FSCN2: variants seen among roughly 807,000 people sequenced by gnomAD.
FSCN2 encodes the protein fascin actin-bundling protein 2, retinal.
A neutral mutation model predicts 37.8 loss-of-function variants in FSCN2; 46 were observed. The observed-to-expected ratio is 1.22, with a 90% CI of 0.96 to 1.56. The LOEUF (loss-of-function observed/expected upper bound fraction) is 1.56. FSCN2 is among the 40% of genes most tolerant of loss of function. The pLI, the probability that FSCN2 is intolerant of heterozygous loss-of-function variation, is 0.00. For synonymous variants in FSCN2, 351 were observed against 309.4 expected, an observed-to-expected ratio of 1.13 and a Z score of -1.41; for missense variants, 844 against 730.4, an observed-to-expected ratio of 1.16 and a Z score of -1.79.
At chr17:81,532,144 T>A (rs1317674739) in intron 1 of FSCN2, among the ~76,000 whole-genome samples, 2 of 144,064 alleles carry the variant, frequency 1.4e-5, no homozygotes, top group African/African-American at 5.5e-5. Context: ...ATGGTGATGA[T>A]GGTGATGGTG....
intron 2 of FSCN2, 139 bp from the exon 3 acceptor site, chr17:81,536,007 G>A (rs2032864950): frequency 5.7e-6 from 6 of 1,053,284 alleles, no homozygotes; most frequent in Non-Finnish European, 8.2e-6. Flanking sequence ...CTGGGGCAGG[G>A]TAGCGCCTGA....
the FSCN2 span, among the ~76,000 whole-genome samples, chr17:81,522,634 A>G: frequency 1.2e-4 from 19 of 152,352 alleles, no homozygotes; most frequent in East Asian, 1.9e-3. Context: ...GTGGCATTAC[A>G]CGTGGGCAGG....
the FSCN2 span, among the ~76,000 whole-genome samples, chr17:81,522,076 G>A: frequency 2.6e-5 from 4 of 151,904 alleles, no homozygotes; most frequent in South Asian, 8.3e-4. Flanking sequence ...GCACGATCTC[G>A]GCTCACTGCA....
upstream of FSCN2, among the ~76,000 whole-genome samples, chr17:81,524,146 G>A (rs1555669778): frequency 6.6e-6 from 1 of 152,250 alleles, no homozygotes; most frequent in African/African-American, 2.4e-5. Context: ...GGAAACCTGA[G>A]GGTGGACACC....
the FSCN2 span, among the ~76,000 whole-genome samples, chr17:81,520,772 ACTGCTTCAT>A: frequency 5.3e-5 from 8 of 152,100 alleles, no homozygotes; most frequent in Non-Finnish European, 7.4e-5. Flanking sequence ...CTGATCTAAA[ACTGCTTCAT>A]GTCCCTGGTG....
chr17:81,530,671 T>A (rs1555671134), intron 1 of FSCN2: 1 of 496,246 alleles, frequency 2.0e-6, no homozygotes, highest in Admixed American at 2.2e-5. Flanking sequence ...CTGACGGATG[T>A]CCAGGCCCCC....
upstream of FSCN2, among the ~76,000 whole-genome samples, chr17:81,526,190 C>T (rs1245715902): frequency 6.6e-6 from 1 of 152,228 alleles, no homozygotes; most frequent in Non-Finnish European, 1.5e-5. Flanking sequence ...ATCAGAGGGG[C>T]AGGCCGCCTG....
chr17:81,520,115 A>G, the FSCN2 span, among the ~76,000 whole-genome samples: 1 of 152,182 alleles, frequency 6.6e-6, no homozygotes, highest in Non-Finnish European at 1.5e-5. Context: ...CCTGTGTCCC[A>G]AGGGGCCAGG....
At chr17:81,520,411 C>G in the FSCN2 span, among the ~76,000 whole-genome samples, 1 of 152,234 alleles carries the variant, frequency 6.6e-6, no homozygotes, top group Non-Finnish European at 1.5e-5. Flanking sequence ...GCCTGGCCCC[C>G]ACCCACACAC....
chr17:81,532,335 GTGATGA>G (rs537571220), intron 1 of FSCN2, among the ~76,000 whole-genome samples: 3 of 141,546 alleles, frequency 2.1e-5, no homozygotes, highest in East Asian at 2.2e-4. Context: ...GATAGTGATG[GTGATGA>G]TGATGATAGT....
At chr17:81,531,297 A>ATGG (rs1568077052) in intron 1 of FSCN2, among the ~76,000 whole-genome samples, 7 of 44,320 alleles carry the variant, frequency 1.6e-4, no homozygotes, top group African/African-American at 5.4e-4. Flanking sequence ...GATGGTGGTG[A>ATGG]TGGTGATGGT....
intron 1 of FSCN2, chr17:81,530,061 C>G (rs755599320): frequency 4.1e-5 from 10 of 246,400 alleles, no homozygotes; most frequent in Non-Finnish European, 8.2e-5. Context: ...CTGTCCACCT[C>G]GGCCTCCCAA....
intron 3 of FSCN2, 138 bp downstream of exon 3, chr17:81,536,405 C>G: frequency 7.0e-7 from 1 of 1,436,166 alleles, no homozygotes; most frequent in African/African-American, 1.4e-5. Context: ...GTCATACTTG[C>G]TAGTCAAGAT....
At chr17:81,522,198 A>G in the FSCN2 span, among the ~76,000 whole-genome samples, 13,297 of 152,122 alleles carry the variant, frequency 0.087, 1,704 homozygotes, top group African/African-American at 0.28. Context: ...GTAGAAATGC[A>G]GTTTCACCAT....
intron 1 of FSCN2, 186 bp downstream of exon 1, chr17:81,529,543 C>T (rs2032481150): frequency 1.3e-6 from 1 of 761,572 alleles, no homozygotes; most frequent in South Asian, 1.4e-5. Flanking sequence ...TCGGGCCATG[C>T]CCAGGCGACC....
At chr17:81,524,051 C>T (rs934778671), upstream of FSCN2, among the ~76,000 whole-genome samples, 3 of 152,102 alleles carry the variant, frequency 2.0e-5, no homozygotes, top group Admixed American at 1.3e-4. Context: ...CGGGCCAACT[C>T]GGGGAGGGGA....
At chr17:81,524,473 G>A (rs1000078527), upstream of FSCN2, among the ~76,000 whole-genome samples, 3 of 152,230 alleles carry the variant, frequency 2.0e-5, no homozygotes, top group African/African-American at 4.8e-5. Context: ...AGAGGTGGGC[G>A]AGGGTGGGGC....
intron 1 of FSCN2, among the ~76,000 whole-genome samples, chr17:81,532,763 G>T (rs1468290930): frequency 8.5e-6 from 1 of 117,922 alleles, no homozygotes; most frequent in Non-Finnish European, 1.7e-5. Flanking sequence ...TGATGGTGAT[G>T]GTGGTGATGG....
chr17:81,523,162 T>A, the FSCN2 span, among the ~76,000 whole-genome samples: 1 of 152,012 alleles, frequency 6.6e-6, no homozygotes, highest in African/African-American at 2.4e-5. Context: ...AAGGCGAGGC[T>A]CCGGAGCAGC....
Sources: allele counts gnomAD v4.1 joint callset (sites outside exome capture counted in the v4.1 genomes callset), GRCh38; gene constraint gnomAD v4.1.1; transcripts MANE v1.5; gene names NCBI Gene and HGNC (gene_info 2026-07-23, HGNC 2026-07-21).